Variants in ERI1 observed in about 807,000 individuals in gnomAD.
ERI1 encodes the protein exoribonuclease 1, also known as 3'-5' exoribonuclease 1.
A neutral mutation model predicts 39.7 loss-of-function variants in ERI1; 39 were observed. The observed-to-expected ratio is 0.98, with a 90% CI of 0.76 to 1.28. The LOEUF is 1.28. ERI1 is among the 50% of genes most tolerant of loss of function. The pLI, the probability that ERI1 is intolerant of heterozygous loss-of-function variation, is 0.00. For synonymous variants in ERI1, 204 were observed against 149.6 expected, an observed-to-expected ratio of 1.36 and a Z score of -2.65; for missense variants, 581 against 416.9, an observed-to-expected ratio of 1.39 and a Z score of -3.43.
At chr8:9,015,001 C>G (rs1817076876) in intron 3 of ERI1, among the ~76,000 whole-genome samples, 2 of 152,082 alleles carry the variant, frequency 1.3e-5, no homozygotes, top group Non-Finnish European at 2.9e-5. Context: ...CCTCGCCCAG[C>G]TAATTTTTGT....
At chr8:9,057,757 G>C (rs1217451992) in intron 3 of ERI1, among the ~76,000 whole-genome samples, 1 of 152,202 alleles carries the variant, frequency 6.6e-6, no homozygotes, top group African/African-American at 2.4e-5. Flanking sequence ...GGGTGGTTTG[G>C]AGAAAACTGG....
intron 1 of ERI1, among the ~76,000 whole-genome samples, chr8:9,004,986 G>T (rs1479268186): frequency 6.6e-6 from 1 of 152,098 alleles, no homozygotes; most frequent in Admixed American, 6.6e-5. Flanking sequence ...ACTGCGCCTG[G>T]CCATGATACA....
intron 3 of ERI1, chr8:9,088,582 C>G (rs1472192370): frequency 6.6e-6 from 1 of 152,164 alleles, no homozygotes; most frequent in Non-Finnish European, 1.5e-5. Context: ...GAGTATCTCT[C>G]TGTGTGTTGC....
At position 9,015,579 on chromosome 8, in the gene ERI1, A is replaced by G. The variant is rs548181815; in HGVS notation, c.499-743A>G. ...CTACTAAAAATACAAAAGATCAGCC[A>G]GGCGTGGTGGCAGGCGTCTGTAGTC... On this transcript the variant is annotated intron_variant, in intron 3 of 6. Transcript: ENST00000250263. 1.1e-4 allele frequency among the ~76,000 whole-genome samples: 16 copies of G among 152,050 alleles called. No homozygotes were observed. The East Asian group carries it at 2.9e-3, about 28-fold the overall frequency.
Position 9,095,806 on chromosome 8 carries a change from G to A in ERI1, n.300-20542G>A, listed in dbSNP as rs184059237. Among the ~76,000 whole-genome samples the A allele has an allele frequency of 7.6e-4, 116 of 152,190 alleles. 1 individual carries two copies. Among genetic ancestry groups the A allele is most frequent in the African/African-American group, 2.5e-3 (105 of 41,530 alleles). On this transcript the variant is annotated intron_variant and non_coding_transcript_variant, in intron 3 of 3. Coordinates refer to the ERI1 transcript ENST00000518663. The stretch of plus-strand genomic sequence containing the variant: ...AAACTGTTAGGATTACACTGCGCTC[G>A]GCCAGGACAGATGTTTATATAATAG...
chr8:9,017,721 T>C (rs1817457434), intron 4 of ERI1, among the ~76,000 whole-genome samples: 1 of 152,176 alleles, frequency 6.6e-6, no homozygotes, highest in African/African-American at 2.4e-5. Flanking sequence ...TAGTTCAGGA[T>C]GGTTCAGATG....
chr8:9,093,361 G>A (rs1799768953), intron 3 of ERI1, among the ~76,000 whole-genome samples: 3 of 152,178 alleles, frequency 2.0e-5, no homozygotes, highest in Non-Finnish European at 2.9e-5. Context: ...GGACAAGCTT[G>A]AAACACAGTC....
intron 3 of ERI1, among the ~76,000 whole-genome samples, chr8:9,082,467 G>A (rs1410861241): frequency 6.6e-6 from 1 of 152,214 alleles, no homozygotes; most frequent in Non-Finnish European, 1.5e-5. Flanking sequence ...TAAGCTGGAT[G>A]AGAAGGTATC....
chr8:9,091,498 ACT>A (rs1319022613), intron 3 of ERI1: 3 of 135,794 alleles, frequency 2.2e-5, no homozygotes, highest in Non-Finnish European at 3.2e-5. Context: ...ACAGAGCGAG[ACT>A]CTGTCTCAAA....
intron 3 of ERI1, among the ~76,000 whole-genome samples, chr8:9,052,410 C>T (rs922269945): frequency 6.6e-6 from 1 of 152,066 alleles, no homozygotes; most frequent in Non-Finnish European, 1.5e-5. Flanking sequence ...AGTTTGAGAA[C>T]AGTCACCTCC....
chr8:9,081,136 C>T (rs530988134), intron 3 of ERI1, among the ~76,000 whole-genome samples: 17 of 152,292 alleles, frequency 1.1e-4, no homozygotes, highest in African/African-American at 3.9e-4. Context: ...TAAAGACCAT[C>T]AGATCTCTTG....
intron 3 of ERI1, among the ~76,000 whole-genome samples, chr8:9,076,153 A>C (rs9650617): frequency 0.31 from 47,638 of 152,032 alleles, 7,757 homozygotes; most frequent in Non-Finnish European, 0.34. Flanking sequence ...CTTATTGCCC[A>C]AGCTGGTCTC....
At chr8:9,047,303 C>G (rs755882524) in intron 3 of ERI1, among the ~76,000 whole-genome samples, 1 of 152,130 alleles carries the variant, frequency 6.6e-6, no homozygotes, top group Non-Finnish European at 1.5e-5. Flanking sequence ...TGGTGGCTTA[C>G]TCCACTAATT....
In ERI1 at chr8:9,011,681, A is replaced by C; in HGVS notation, c.427A>C (p.Asn143His). ...CTTTGAAGCCACTTGTGAAGAAGGA[A>C]ACCCACCTGAGTTTGTACATGAAAT... is the stretch of plus-strand genomic sequence containing the variant. ...IDFEATCEEG[N>H]PPEFVHEIIE... is the part of the protein sequence containing the mutation. Residue 143 changes from asparagine to histidine, a missense_variant, in exon 3 of 7, where the codon AAC becomes CAC. Physicochemically the swap from Asn to His is moderately conservative, Grantham distance 68. Coordinates refer to ENST00000250263, the MANE Select transcript of ERI1 (RefSeq NM_153332.4). 1 of 1,613,684 alleles carries C rather than the reference A, an allele frequency of 6.2e-7. No individual in the cohort carries two copies. The highest frequency in any genetic ancestry group is 8.5e-7 in the Non-Finnish European group (1 of 1,179,690).
rs537263135 is a variant in ERI1 at position 9,011,584 on chromosome 8, T to C, written c.330T>C (p.Tyr110=). The change falls in exon 3 of 7, where the codon TAT becomes TAC. Residue 110 remains tyrosine, a synonymous_variant. Coordinates refer to ENST00000250263, the MANE Select transcript of ERI1 (RefSeq NM_153332.4). ...TAAAGAAGAGACTGAAAAACTATTA[T>C]AAGAAGCAGAAGCTGATGCTGAAAG... ...DVLKKRLKNY[Y]KKQKLMLKES... is the part of the protein sequence containing the mutation. 1.2e-5 allele frequency: 20 copies of C among 1,612,970 alleles called. No homozygotes were observed. The African/African-American group carries it at 2.1e-4, about 17-fold the overall frequency.
chr8:9,078,330 C>CTT (rs112344131), intron 3 of ERI1, among the ~76,000 whole-genome samples: 3,936 of 146,378 alleles, frequency 0.027, 153 homozygotes, highest in African/African-American at 0.086. Context: ...CTGTATAGCA[C>CTT]TTTTTTTTTT....
At chr8:9,078,477 A>C (rs531861594) in intron 3 of ERI1, among the ~76,000 whole-genome samples, 1 of 152,136 alleles carries the variant, frequency 6.6e-6, no homozygotes. Context: ...GTAAGGTTGG[A>C]ATTCAAACTC....
chr8:9,003,142 G>C lies in ERI1; in HGVS notation c.79G>C (p.Gly27Arg). 1.6e-6 allele frequency: 2 copies of C among 1,244,552 alleles called. No individual in the cohort carries two copies. The highest frequency in any genetic ancestry group is 2.0e-6 in the Non-Finnish European group (2 of 990,340). The allele number at this position is 1,244,552 out of a possible 1,614,324, so 77.1% of individuals were successfully genotyped here. The change falls in exon 1 of 7, where the codon GGG becomes CGG. Residue 27 changes from glycine (G) to arginine (R), a missense_variant. Physicochemically the swap from Gly to Arg is moderately radical, Grantham distance 125. Coordinates refer to ENST00000250263, the MANE Select transcript of ERI1 (RefSeq NM_153332.4). ...ALLESPRPEG[G>R]EEPPRPSPEE... ...GCTGGAGTCGCCGCGGCCGGAGGGC[G>C]GGGAGGAGCCGCCGCGTCCCAGTCC...
At chr8:9,061,407 A>C (rs1798692345) in intron 3 of ERI1, among the ~76,000 whole-genome samples, 1 of 152,222 alleles carries the variant, frequency 6.6e-6, no homozygotes, top group South Asian at 2.1e-4. Flanking sequence ...AGCAGAAAGT[A>C]TATGCATCAG....
Sources: gnomAD v4.1 joint callset for allele counts (sites outside exome capture counted in the v4.1 genomes callset) on GRCh38, gnomAD v4.1.1 for gene constraint, MANE v1.5 for transcripts, NCBI Gene and HGNC (gene_info 2026-07-23, HGNC 2026-07-21) for gene names.